Variants in KCNN2 observed in about 807,000 individuals in gnomAD.
KCNN2 encodes the protein potassium calcium-activated channel subfamily N member 2.
A neutral mutation model predicts 55.5 loss-of-function variants in KCNN2; 24 were observed. The ratio of observed to expected loss-of-function variants is 0.43; its 90% confidence interval spans 0.31 to 0.61. The LOEUF (loss-of-function observed/expected upper bound fraction) is 0.61, where lower values mean the gene tolerates loss of function less well. KCNN2 is among the 20% of genes least tolerant of loss of function. KCNN2 has a pLI of 0.08. For synonymous variants in KCNN2, 431 were observed against 336.1 expected (o/e 1.28, Z -3.09); for missense variants, 754 against 853.6 (o/e 0.88, Z 1.45).
intron 3 of KCNN2, among the ~76,000 whole-genome samples, chr5:114,420,502 A>G (rs959037374): frequency 1.3e-5 from 2 of 152,204 alleles, no homozygotes; most frequent in Non-Finnish European, 2.9e-5. Flanking sequence ...TGACCAGCAA[A>G]AGATTAAAAT....
At chr5:114,218,461 C>A (rs1754055087) in intron 1 of KCNN2, among the ~76,000 whole-genome samples, 1 of 152,138 alleles carries the variant, frequency 6.6e-6, no homozygotes, top group African/African-American at 2.4e-5. Context: ...ACTTAAAATG[C>A]ATATTACTAA....
rs181654799 is a variant in KCNN2, at chr5:114,284,612, G to C, written c.-185+63047G>C. ...GGCTCACTGCAATCTTTGACTCCGTGGTTCAAGTGATTCTCCTGCCTCAGC... is the reference window on the plus strand; with the variant it reads ...GGCTCACTGCAATCTTTGACTCCGTCGTTCAAGTGATTCTCCTGCCTCAGC... On this transcript the variant is annotated intron_variant, in intron 2 of 10. Coordinates refer to the KCNN2 transcript ENST00000512097. Among the ~76,000 whole-genome samples, 35 of 152,152 alleles carry C rather than the reference G, an allele frequency of 2.3e-4. No individual in the cohort carries two copies. The East Asian group carries it at 4.7e-3, about 20-fold the overall frequency.
At chr5:114,060,265 A>G (rs1750298381) in intron 1 of KCNN2, among the ~76,000 whole-genome samples, 1 of 152,168 alleles carries the variant, frequency 6.6e-6, no homozygotes, top group Non-Finnish European at 1.5e-5. Context: ...TGGTTCTCCC[A>G]TGCCACCACA....
chr5:114,496,071 G>C lies in KCNN2; in HGVS notation c.2265G>C (p.Gln755His). 1 of 1,614,086 alleles carries C rather than the reference G, an allele frequency of 6.2e-7. No individual in the cohort carries two copies. Among genetic ancestry groups the C allele is most frequent in the Non-Finnish European group, 8.5e-7 (1 of 1,179,974 alleles). Residue 755 changes from glutamine to histidine, a missense_variant, in exon 8 of 8, where the codon CAG becomes CAC. Transcript: ENST00000673685. The stretch of plus-strand genomic sequence containing the variant: ...AGCAGAGAGATTTCATTGAGGCTCA[G>C]ATGGAGAGCTACGACAAGCACGTCA... ...RQQQRDFIEA[Q>H]MESYDKHVTY...
At chr5:114,208,375 A>G (rs892703226) in intron 1 of KCNN2, among the ~76,000 whole-genome samples, 4 of 152,158 alleles carry the variant, frequency 2.6e-5, no homozygotes, top group Middle Eastern at 3.2e-3. Flanking sequence ...AATAGAGGCC[A>G]CTATGTGGGG....
chr5:114,495,936 A>T lies in KCNN2; in HGVS notation c.2130A>T (p.Glu710Asp). The T allele has an allele frequency of 6.2e-7, 1 of 1,614,032 alleles. No homozygotes were observed. Among genetic ancestry groups the T allele is most frequent in the Admixed American group, 1.7e-5 (1 of 60,016 alleles). Residue 710 changes from glutamate (E) to aspartate (D), a missense_variant, in exon 8 of 8, where the codon GAA (glutamate) becomes GAT (aspartate). Glu to Asp is a conservative substitution (Grantham distance 45). Around this residue, in one of 4 missense-constraint regions of KCNN2, gnomAD observed 164 missense variants for 156.6 expected, o/e 1.05. Coordinates refer to ENST00000673685, the MANE Select transcript of KCNN2 (RefSeq NM_021614.4). ...ATGATATGATTTCTGACTTAAACGA[A>T]AGGAGTGAAGACTTCGAGAAGAGGA... ...IMYDMISDLN[E>D]RSEDFEKRIV...
intron 6 of KCNN2, chr5:114,490,807 G>A: frequency 2.5e-6 from 1 of 397,658 alleles, no homozygotes; most frequent in Non-Finnish European, 4.4e-6. Flanking sequence ...TGCTGCTATG[G>A]AAATGTGATC....
intron 3 of KCNN2, among the ~76,000 whole-genome samples, chr5:114,441,081 T>C (rs551657879): frequency 6.6e-6 from 1 of 152,176 alleles, no homozygotes; most frequent in South Asian, 2.1e-4. Context: ...AAGCAAAAAC[T>C]AGTAGGAATA....
chr5:114,295,155 C>A (rs978028651), intron 2 of KCNN2, among the ~76,000 whole-genome samples: 1 of 152,176 alleles, frequency 6.6e-6, no homozygotes, highest in African/African-American at 2.4e-5. Flanking sequence ...GGCTCAGAGA[C>A]CCACTTGAGG....
At position 114,450,702 on chromosome 5, in the gene KCNN2, G is replaced by A. The variant is rs566076699; in HGVS notation, c.1638-12347G>A. Among the ~76,000 whole-genome samples, 4 of 152,236 alleles carry A rather than the reference G, an allele frequency of 2.6e-5. No individual in the cohort carries two copies. In the South Asian group the frequency reaches 8.3e-4, roughly 32 times the overall value. ...AGCTGCCCTGAAACTCTAGGCCAGT[G>A]GTTCAGAACAGGAGTAATACCGCCC... On this transcript the variant is annotated intron_variant, in intron 3 of 7. Transcript: ENST00000673685.
Position 114,404,606 on chromosome 5 carries a change from A to T in KCNN2, c.1387A>T (p.Thr463Ser). ...CTTCTCCTATGCCCCATCCACAACC[A>T]CCGCTGATGTGGATATTATTTTATC... is the stretch of plus-strand genomic sequence containing the variant. ...LAFSYAPSTT[T>S]ADVDIILSIP... The change falls in exon 3 of 8, where the codon ACC becomes TCC. Residue 463 changes from threonine to serine, a missense_variant. Physicochemically the swap from Thr to Ser is moderately conservative, Grantham distance 58. Around this residue, in one of 4 missense-constraint regions of KCNN2, gnomAD observed 123 missense variants for 204.9 expected, o/e 0.60. Coordinates refer to ENST00000673685, the MANE Select transcript of KCNN2 (RefSeq NM_021614.4). The T allele has an allele frequency of 6.2e-7, 1 of 1,613,456 alleles. No individual in the cohort carries two copies. The highest frequency in any genetic ancestry group is 8.5e-7 in the Non-Finnish European group (1 of 1,179,572).
chr5:114,062,439 G>T (rs144042795), intron 1 of KCNN2, among the ~76,000 whole-genome samples: 1,845 of 152,248 alleles, frequency 0.012, 51 homozygotes, highest in African/African-American at 0.042. Flanking sequence ...AGAAAAATAG[G>T]TTTACTGATC....
intron 2 of KCNN2, among the ~76,000 whole-genome samples, chr5:114,261,828 T>C (rs1219088421): frequency 1.3e-5 from 2 of 152,164 alleles, no homozygotes; most frequent in East Asian, 3.9e-4. Context: ...TGGTCAGCTT[T>C]CAGTGAGGAC....
intron 6 of KCNN2, among the ~76,000 whole-genome samples, chr5:114,491,156 C>T (rs553528046): frequency 2.0e-5 from 3 of 152,110 alleles, no homozygotes; most frequent in South Asian, 4.2e-4. Flanking sequence ...AATTAGGCCC[C>T]GTTGTTTATA....
intron 1 of KCNN2, among the ~76,000 whole-genome samples, chr5:114,199,248 A>C (rs940250345): frequency 3.3e-5 from 5 of 152,048 alleles, no homozygotes; most frequent in Admixed American, 1.3e-4. Flanking sequence ...ACTCTTGATC[A>C]CTTTGGTGTT....
chr5:114,375,162 T>C (rs1757895093), intron 2 of KCNN2, among the ~76,000 whole-genome samples: 1 of 152,158 alleles, frequency 6.6e-6, no homozygotes, highest in African/African-American at 2.4e-5. Context: ...CATGAACTGT[T>C]TAATTTTTTA....
rs181560759 is a variant in KCNN2, at chr5:114,270,343, G to A, written c.-185+48778G>A. Among the ~76,000 whole-genome samples the A allele has an allele frequency of 9.1e-3, 1,389 of 152,172 alleles. 18 individuals are homozygous for A. The highest frequency in any genetic ancestry group is 0.013 in the Non-Finnish European group (878 of 68,020). ...ATTTCAGTCTTTAGGACAAGAATGC[G>A]CTAACATACTATAAAAGCTGATTTA... is the stretch of plus-strand genomic sequence containing the variant. On this transcript the variant is annotated intron_variant, in intron 2 of 10. Coordinates refer to the KCNN2 transcript ENST00000512097.
chr5:114,360,471 G>GA (rs1424323858), upstream of KCNN2, among the ~76,000 whole-genome samples: 10 of 152,290 alleles, frequency 6.6e-5, no homozygotes, highest in East Asian at 1.9e-3. Flanking sequence ...TCTTTATCAT[G>GA]AAAAGCAGGC....
chr5:114,396,746 C>T (rs1210182555), intron 2 of KCNN2, among the ~76,000 whole-genome samples: 3 of 152,100 alleles, frequency 2.0e-5, no homozygotes, highest in Non-Finnish European at 4.4e-5. Flanking sequence ...GGGGTTTCAT[C>T]ATGTTGGCCA....
Sources: allele counts gnomAD v4.1 joint callset (sites outside exome capture counted in the v4.1 genomes callset), GRCh38; gene constraint gnomAD v4.1.1; regional missense constraint gnomAD v4.1.1; transcripts MANE v1.5; gene names NCBI Gene and HGNC (gene_info 2026-07-23, HGNC 2026-07-21).